The following SYT9 variants were observed in gnomAD, a reference collection of about 807,000 sequenced individuals.
The protein encoded by SYT9 is synaptotagmin 9.
A neutral mutation model predicts 48.4 loss-of-function variants in SYT9; 22 were observed. That is an observed-to-expected ratio of 0.45 (90% CI 0.32 to 0.65). SYT9 has a LOEUF of 0.65. Among genes scored for constraint, SYT9 ranks in the 30% least tolerant of loss-of-function variants. The probability of loss-of-function intolerance (pLI) is 0.03; values close to 1 mark genes in which losing one functional copy is unlikely to be tolerated. For missense variants in SYT9, 577 were observed against 622.0 expected (o/e 0.93, Z 0.77); for synonymous variants, 265 against 245.0 (o/e 1.08, Z -0.76).
At chr11:7,399,740 G>A (rs1480182077) in intron 3 of SYT9, among the ~76,000 whole-genome samples, 5 of 152,306 alleles carry the variant, frequency 3.3e-5, no homozygotes, top group Non-Finnish European at 4.4e-5. Context: ...TGTTGCATTG[G>A]GATGTGCTAA....
At chr11:7,270,026 A>T (rs1039605194) in intron 1 of SYT9, among the ~76,000 whole-genome samples, 3 of 152,176 alleles carry the variant, frequency 2.0e-5, no homozygotes, top group Non-Finnish European at 4.4e-5. Context: ...GGACAAAATA[A>T]TAACAATGAA....
At chr11:7,256,115 T>C (rs546034886) in intron 1 of SYT9, among the ~76,000 whole-genome samples, 1 of 152,340 alleles carries the variant, frequency 6.6e-6, no homozygotes, top group East Asian at 1.9e-4. Context: ...CTAGATCCAC[T>C]CTTTCCAAGG....
chr11:7,311,887 G>C (rs1849140769), intron 2 of SYT9, among the ~76,000 whole-genome samples: 1 of 152,116 alleles, frequency 6.6e-6, no homozygotes, highest in African/African-American at 2.4e-5. Context: ...GGCTGCACTA[G>C]CTCAGAAAGC....
chr11:7,262,176 A>T (rs1301333614), intron 1 of SYT9, among the ~76,000 whole-genome samples: 1 of 152,090 alleles, frequency 6.6e-6, no homozygotes, highest in East Asian at 1.9e-4. Flanking sequence ...TAATAGATGG[A>T]TATTGAGTGT....
intron 3 of SYT9, among the ~76,000 whole-genome samples, chr11:7,328,849 C>T (rs1437101000): frequency 6.6e-6 from 1 of 152,082 alleles, no homozygotes; most frequent in Non-Finnish European, 1.5e-5. Context: ...CTGAAAAAAA[C>T]ATAGGTATGC....
At chr11:7,251,645 C>G (rs1347962559), upstream of SYT9, among the ~76,000 whole-genome samples, 1 of 152,128 alleles carries the variant, frequency 6.6e-6, no homozygotes, top group Admixed American at 6.5e-5. Context: ...GCGGTGGGAG[C>G]GGGTGCTTGG....
intron 1 of SYT9, among the ~76,000 whole-genome samples, chr11:7,289,619 G>A (rs1848663622): frequency 6.6e-6 from 1 of 152,216 alleles, no homozygotes; most frequent in East Asian, 1.9e-4. Flanking sequence ...TGCCTGTTAT[G>A]CAGAATTTCT....
chr11:7,342,612 G>A (rs1420984574), intron 3 of SYT9, among the ~76,000 whole-genome samples: 1 of 152,164 alleles, frequency 6.6e-6, no homozygotes, highest in Non-Finnish European at 1.5e-5. Flanking sequence ...CTGCTTTCGT[G>A]GGCTGGCATT....
intron 1 of SYT9, among the ~76,000 whole-genome samples, chr11:7,260,137 A>G (rs997215218): frequency 1.3e-5 from 2 of 152,188 alleles, no homozygotes. Context: ...TGCTATGTAC[A>G]AGGTTGGGCA....
At chr11:7,332,564 A>G (rs1046091633) in intron 3 of SYT9, among the ~76,000 whole-genome samples, 1 of 152,128 alleles carries the variant, frequency 6.6e-6, no homozygotes, top group African/African-American at 2.4e-5. Flanking sequence ...AGGAAGGAGA[A>G]AGAGAAGAGG....
In SYT9 at chr11:7,449,251, C is replaced by T. The variant is rs573123812; in HGVS notation, c.1468-17541C>T. On this transcript the variant is annotated intron_variant, in intron 6 of 6. Coordinates refer to ENST00000318881, the MANE Select transcript of SYT9 (RefSeq NM_175733.4). ...CCCAGCTACTCAGGAGGCTGAGGCA[C>T]GAGAATTGCTTGAACCCAGGAGGCA... Among the ~76,000 whole-genome samples the T allele has an allele frequency of 2.0e-3, 282 of 137,840 alleles. 3 individuals are homozygous for T. Among genetic ancestry groups the T allele is most frequent in the African/African-American group, 7.5e-3 (270 of 35,872 alleles). 90.4% of individuals were successfully genotyped at this position (137,840 alleles called of 152,430 possible). A position where few individuals can be genotyped will look rare whatever the true frequency, so the allele number is the denominator to read the frequency against.
At chr11:7,326,608 G>A (rs1444992904) in intron 3 of SYT9, among the ~76,000 whole-genome samples, 80 of 149,222 alleles carry the variant, frequency 5.4e-4, no homozygotes, top group Non-Finnish European at 8.9e-4. Flanking sequence ...AGCCCGCATC[G>A]CCAAGTCAAT....
intron 6 of SYT9, among the ~76,000 whole-genome samples, chr11:7,459,460 T>C (rs1305009330): frequency 6.6e-6 from 1 of 152,120 alleles, no homozygotes; most frequent in Non-Finnish European, 1.5e-5. Context: ...CAAGAGGGTT[T>C]GGTATCCTAG....
chr11:7,277,715 G>A (rs1183586545), intron 1 of SYT9, among the ~76,000 whole-genome samples: 3 of 152,186 alleles, frequency 2.0e-5, no homozygotes, highest in African/African-American at 7.2e-5. Context: ...ATGCATGTAG[G>A]ATCTGAATTT....
At chr11:7,449,691 G>A (rs1848007401) in intron 6 of SYT9, among the ~76,000 whole-genome samples, 1 of 152,064 alleles carries the variant, frequency 6.6e-6, no homozygotes, top group Non-Finnish European at 1.5e-5. Flanking sequence ...GATCTCAAGG[G>A]GCAAAGTCTG....
intron 3 of SYT9, among the ~76,000 whole-genome samples, chr11:7,402,983 A>G (rs931421949): frequency 6.6e-6 from 1 of 152,080 alleles, no homozygotes; most frequent in Non-Finnish European, 1.5e-5. Flanking sequence ...TGGCTATTTT[A>G]GTATTTGAAA....
chr11:7,459,530 T>C (rs1392576930), intron 6 of SYT9, among the ~76,000 whole-genome samples: 2 of 152,150 alleles, frequency 1.3e-5, no homozygotes, highest in Non-Finnish European at 2.9e-5. Flanking sequence ...AAATAAGATG[T>C]AAATAAAATG....
chr11:7,406,559 T>TATATATATATATATATATAC (rs922664189), intron 3 of SYT9, among the ~76,000 whole-genome samples: 5 of 146,702 alleles, frequency 3.4e-5, no homozygotes, highest in African/African-American at 1.3e-4. Context: ...TATATATATA[T>TATATATATATATATATATAC]ATATATATAG....
At chr11:7,466,654 G>A (rs1273358488) in intron 6 of SYT9, 138 bp from the exon 7 acceptor site, 1 of 745,130 alleles carries the variant, frequency 1.3e-6, no homozygotes, top group Non-Finnish European at 2.1e-6. Context: ...CCAGGAGGCG[G>A]AGGTTGCAGT....
Sources: allele counts gnomAD v4.1 joint callset (sites outside exome capture counted in the v4.1 genomes callset), GRCh38; gene constraint gnomAD v4.1.1; transcripts MANE v1.5; gene names NCBI Gene and HGNC (gene_info 2026-07-23, HGNC 2026-07-21).